Variants in SGCD observed in about 807,000 individuals in gnomAD.
SGCD encodes sarcoglycan delta, also known as delta-sarcoglycan.
In SGCD, 18 loss-of-function variants were observed where a neutral mutation model predicts 36.6. That is an observed-to-expected ratio of 0.49 (90% CI 0.34 to 0.73). The LOEUF is 0.73. SGCD is among the 30% of genes least tolerant of loss of function. The pLI is 0.01. For synonymous variants in SGCD, 133 were observed against 130.6 expected (o/e 1.02, Z -0.12); for missense variants, 387 against 346.7 (o/e 1.12, Z -0.92).
intron 3 of SGCD, among the ~76,000 whole-genome samples, chr5:156,431,382 T>G (rs1753004171): frequency 6.6e-6 from 1 of 152,164 alleles, no homozygotes; most frequent in African/African-American, 2.4e-5. Flanking sequence ...GAAGGCTGTC[T>G]GTAGGTGCAT....
At chr5:155,936,578 G>A (rs990828932) in intron 1 of SGCD, among the ~76,000 whole-genome samples, 1 of 152,136 alleles carries the variant, frequency 6.6e-6, no homozygotes, top group African/African-American at 2.4e-5. Flanking sequence ...ATTTTTATAG[G>A]CTTCAGAGGA....
intron 2 of SGCD, among the ~76,000 whole-genome samples, chr5:156,344,259 G>A (rs1056163597): frequency 5.9e-5 from 9 of 152,138 alleles, no homozygotes; most frequent in Non-Finnish European, 7.3e-5. Flanking sequence ...GACTGTGGCT[G>A]TATCAGTGCA....
intron 4 of SGCD, among the ~76,000 whole-genome samples, chr5:156,555,320 C>G (rs1345581162): frequency 6.6e-6 from 1 of 152,158 alleles, no homozygotes; most frequent in Non-Finnish European, 1.5e-5. Context: ...ACATTTACAT[C>G]TATGCTTCCT....
At chr5:156,355,097 C>A (rs934586016) in intron 3 of SGCD, among the ~76,000 whole-genome samples, 2 of 152,200 alleles carry the variant, frequency 1.3e-5, no homozygotes, top group African/African-American at 4.8e-5. Context: ...CATCTTAGAG[C>A]AGATACAGTT....
At chr5:156,645,816 T>C (rs1258763931) in intron 6 of SGCD, among the ~76,000 whole-genome samples, 2 of 152,160 alleles carry the variant, frequency 1.3e-5, no homozygotes, top group African/African-American at 4.8e-5. Flanking sequence ...GTACTGTTTC[T>C]AGTTCATAGA....
chr5:156,270,432 A>G (rs1561593753), intron 3 of SGCD, among the ~76,000 whole-genome samples: 1 of 152,222 alleles, frequency 6.6e-6, no homozygotes, highest in Admixed American at 6.5e-5. Flanking sequence ...CAATATAAAA[A>G]GCAATCTATG....
intron 3 of SGCD, among the ~76,000 whole-genome samples, chr5:156,395,071 G>A (rs1771776310): frequency 1.3e-5 from 2 of 152,222 alleles, no homozygotes; most frequent in African/African-American, 4.8e-5. Context: ...GTAAGTGTGT[G>A]TGCATTGTGG....
chr5:155,838,966 T>C, the SGCD span, among the ~76,000 whole-genome samples: 1 of 152,184 alleles, frequency 6.6e-6, no homozygotes. Flanking sequence ...CAGAGGCATC[T>C]GTTGCTGTTT....
chr5:156,652,787 G>T (rs1230969717), intron 7 of SGCD, among the ~76,000 whole-genome samples: 1 of 151,844 alleles, frequency 6.6e-6, no homozygotes, highest in Non-Finnish European at 1.5e-5. Context: ...GGTTTTTTTT[G>T]AGGGTTTTTC....
intron 3 of SGCD, among the ~76,000 whole-genome samples, chr5:156,357,669 T>C (rs59078889): frequency 6.6e-6 from 1 of 152,344 alleles, no homozygotes; most frequent in African/African-American, 2.4e-5. Context: ...CTCAGTTACA[T>C]GTAAACTGCT....
At chr5:156,283,031 G>A (rs532791241) in intron 3 of SGCD, among the ~76,000 whole-genome samples, 16 of 152,278 alleles carry the variant, frequency 1.1e-4, no homozygotes, top group African/African-American at 3.6e-4. Context: ...AGTGTTGTTA[G>A]AAAGATGAAA....
intron 3 of SGCD, among the ~76,000 whole-genome samples, chr5:156,384,014 G>A (rs879534484): frequency 2.6e-5 from 4 of 152,170 alleles, no homozygotes; most frequent in Non-Finnish European, 5.9e-5. Flanking sequence ...TGTTTAAATT[G>A]TGTTCATGTA....
intron 3 of SGCD, among the ~76,000 whole-genome samples, chr5:156,395,760 C>T (rs917346455): frequency 6.6e-6 from 1 of 152,190 alleles, no homozygotes; most frequent in Admixed American, 6.5e-5. Context: ...TGGTTTCAGA[C>T]ACATATATAT....
chr5:156,507,905 A>G (rs906811753), intron 3 of SGCD, among the ~76,000 whole-genome samples: 2 of 152,174 alleles, frequency 1.3e-5, no homozygotes, highest in African/African-American at 4.8e-5. Context: ...AACATGGACA[A>G]TAGGTGTTTG....
At chr5:156,746,036 T>A (rs1756924450) in intron 7 of SGCD, among the ~76,000 whole-genome samples, 1 of 150,208 alleles carries the variant, frequency 6.7e-6, no homozygotes, top group Non-Finnish European at 1.5e-5. Flanking sequence ...AAAAAAAAAA[T>A]TAAATTAAAA....
chr5:156,105,240 A>G (rs528110048), intron 1 of SGCD, among the ~76,000 whole-genome samples: 1 of 152,368 alleles, frequency 6.6e-6, no homozygotes, highest in East Asian at 1.9e-4. Flanking sequence ...TATGTGGAGT[A>G]TTATGTAAAT....
chr5:156,238,623 A>G (rs376760346), intron 3 of SGCD, among the ~76,000 whole-genome samples: 28 of 152,296 alleles, frequency 1.8e-4, no homozygotes, highest in Middle Eastern at 6.8e-3. Context: ...AATCTGTTTA[A>G]ATTTGAATAG....
chr5:156,000,191 C>T (rs541743644), intron 1 of SGCD, among the ~76,000 whole-genome samples: 12 of 152,334 alleles, frequency 7.9e-5, no homozygotes, highest in Admixed American at 2.0e-4. Context: ...CCCCACAAAG[C>T]TGCCATTTAG....
intron 3 of SGCD, among the ~76,000 whole-genome samples, chr5:156,500,271 T>A (rs528685400): frequency 6.6e-6 from 1 of 152,348 alleles, no homozygotes; most frequent in South Asian, 2.1e-4. Context: ...TCTGTCACTC[T>A]ACAGATATTT....
Sources: gnomAD v4.1 joint callset for allele counts (sites outside exome capture counted in the v4.1 genomes callset) on GRCh38, gnomAD v4.1.1 for gene constraint, MANE v1.5 for transcripts, NCBI Gene and HGNC (gene_info 2026-07-23, HGNC 2026-07-21) for gene names.